Variants in CRTAC1 observed in about 807,000 individuals in gnomAD.
CRTAC1 encodes the protein cartilage acidic protein 1.
A neutral mutation model predicts 67.8 loss-of-function variants in CRTAC1; 37 were observed. That is an observed-to-expected ratio of 0.55 (90% CI 0.42 to 0.72). CRTAC1 has a LOEUF of 0.72. CRTAC1 is among the 30% of genes least tolerant of loss of function. CRTAC1 has a pLI of 0.00. For missense variants in CRTAC1, 780 were observed against 931.6 expected, an observed-to-expected ratio of 0.84 and a Z score of 2.12; for synonymous variants, 348 against 371.0, an observed-to-expected ratio of 0.94 and a Z score of 0.71.
intron 2 of CRTAC1, among the ~76,000 whole-genome samples, chr10:97,948,948 T>C (rs1187178587): frequency 6.6e-6 from 1 of 152,154 alleles, no homozygotes; most frequent in African/African-American, 2.4e-5. Context: ...GAGAACTCAC[T>C]CGCTATCATA....
chr10:97,997,978 C>CT (rs920153068), intron 2 of CRTAC1, among the ~76,000 whole-genome samples: 4 of 151,040 alleles, frequency 2.6e-5, no homozygotes, highest in Non-Finnish European at 5.9e-5. Flanking sequence ...GAAAGACTTG[C>CT]TTTTTTTTTG....
intron 4 of CRTAC1, 21 bp downstream of exon 4, chr10:97,923,243 C>G: frequency 6.2e-7 from 1 of 1,613,740 alleles, no homozygotes; most frequent in Non-Finnish European, 8.5e-7. Context: ...TCCCCAGGAC[C>G]CCATGTGCCC....
chr10:97,977,489 A>C, intron 2 of CRTAC1, among the ~76,000 whole-genome samples: 1 of 151,736 alleles, frequency 6.6e-6, no homozygotes, highest in East Asian at 1.9e-4. Context: ...CCTCTCTGGT[A>C]ACAGTGGCTA....
chr10:97,992,778 C>T (rs190590230), intron 2 of CRTAC1, among the ~76,000 whole-genome samples: 4 of 152,172 alleles, frequency 2.6e-5, no homozygotes, highest in Admixed American at 1.3e-4. Context: ...TGATAGTTAT[C>T]AGGGGCTAGG....
At chr10:97,935,941 C>T (rs1335514983) in intron 3 of CRTAC1, among the ~76,000 whole-genome samples, 1 of 152,086 alleles carries the variant, frequency 6.6e-6, no homozygotes, top group Non-Finnish European at 1.5e-5. Context: ...CTCTGCTCAC[C>T]CTGTCCATCT....
intron 2 of CRTAC1, among the ~76,000 whole-genome samples, chr10:97,963,504 A>T (rs756497498): frequency 1.3e-5 from 2 of 152,212 alleles, no homozygotes; most frequent in Non-Finnish European, 2.9e-5. Flanking sequence ...CTCCAGAGCC[A>T]ACCTTCTCAA....
chr10:97,983,293 G>C (rs1310564925), intron 2 of CRTAC1, among the ~76,000 whole-genome samples: 1 of 148,012 alleles, frequency 6.8e-6, no homozygotes, highest in Non-Finnish European at 1.5e-5. Context: ...CCTACACTGT[G>C]CTTACATTCA....
At chr10:97,882,965 G>A (rs1000929438) in intron 12 of CRTAC1, 137 bp from the exon 13 acceptor site, 3 of 848,600 alleles carry the variant, frequency 3.5e-6, no homozygotes, top group Non-Finnish European at 1.9e-6. Flanking sequence ...CCTGGGGGGA[G>A]CCCCCTCCCT....
rs1313728030 is a variant in CRTAC1, at chr10:98,029,524, GGCGGCA to G, written c.24+919_24+924del. On this transcript the variant is annotated intron_variant, in intron 1 of 14. Coordinates refer to ENST00000370597, the MANE Select transcript of CRTAC1 (RefSeq NM_018058.7). This position sits in a 1 kb window ranked among gnomAD's most constrained non-coding sequence, Gnocchi z 4.7. ...CGGCGGCGGCGGCGGCGGCGGCGGCGGCGGCAGCAGCAGCAATATTCATTAGTCATT... is the reference window on the plus strand; with the variant it reads ...CGGCGGCGGCGGCGGCGGCGGCGGCGGCAGCAGCAATATTCATTAGTCATT... 3.8e-5 allele frequency among the ~76,000 whole-genome samples: 5 copies of G among 130,710 alleles called. No homozygotes were observed. Among genetic ancestry groups the G allele is most frequent in the South Asian group, 2.1e-4 (1 of 4,682 alleles). 85.8% of individuals were successfully genotyped at this position (130,710 alleles called of 152,430 possible).
At chr10:97,922,009 A>G (rs1209076023) in intron 4 of CRTAC1, among the ~76,000 whole-genome samples, 2 of 151,246 alleles carry the variant, frequency 1.3e-5, no homozygotes, top group Admixed American at 6.6e-5. Flanking sequence ...ATTAACCTGC[A>G]TGCCTCTCCC....
intron 2 of CRTAC1, among the ~76,000 whole-genome samples, chr10:97,962,670 G>A (rs2051545269): frequency 6.6e-6 from 1 of 152,142 alleles, no homozygotes; most frequent in Non-Finnish European, 1.5e-5. Flanking sequence ...GAATTCAGGG[G>A]CCGCTACTGA....
intron 6 of CRTAC1, among the ~76,000 whole-genome samples, chr10:97,907,446 C>T (rs751887379): frequency 2.0e-5 from 3 of 151,844 alleles, no homozygotes; most frequent in African/African-American, 4.8e-5. Context: ...AGGAGGAGCA[C>T]AGCTGGGGGC....
intron 7 of CRTAC1, among the ~76,000 whole-genome samples, chr10:97,901,880 G>A (rs916286762): frequency 3.3e-5 from 5 of 152,206 alleles, no homozygotes; most frequent in Non-Finnish European, 7.3e-5. Flanking sequence ...GTGCTTAGCC[G>A]ATCCCTAGTC....
At chr10:97,970,114 G>A (rs1047673073) in intron 2 of CRTAC1, among the ~76,000 whole-genome samples, 3 of 151,928 alleles carry the variant, frequency 2.0e-5, no homozygotes, top group African/African-American at 4.8e-5. Context: ...CAAAAGCTCC[G>A]AGTCTAACTG....
chr10:97,910,778 G>T (rs1389246817), intron 5 of CRTAC1, among the ~76,000 whole-genome samples: 5 of 152,184 alleles, frequency 3.3e-5, no homozygotes, highest in African/African-American at 1.2e-4. Flanking sequence ...GGCATTTGAG[G>T]CCAGGGAGAT....
chr10:97,969,971 T>C (rs2051681518), intron 2 of CRTAC1, among the ~76,000 whole-genome samples: 2 of 152,286 alleles, frequency 1.3e-5, no homozygotes, highest in African/African-American at 4.8e-5. Flanking sequence ...TCCAACTGCC[T>C]ACTCAACATT....
chr10:98,004,818 A>AAT (rs1161900032), intron 2 of CRTAC1, among the ~76,000 whole-genome samples: 4 of 151,794 alleles, frequency 2.6e-5, no homozygotes, highest in South Asian at 2.1e-4. Flanking sequence ...TATATTTTAT[A>AAT]ATATATATAC....
intron 2 of CRTAC1, among the ~76,000 whole-genome samples, chr10:97,954,986 C>T (rs1325132847): frequency 6.6e-6 from 1 of 152,132 alleles, no homozygotes; most frequent in Non-Finnish European, 1.5e-5. Context: ...TTTGGGGGAC[C>T]ACCATTCAAC....
chr10:97,939,194 T>C (rs777959342), intron 2 of CRTAC1, among the ~76,000 whole-genome samples: 27 of 152,172 alleles, frequency 1.8e-4, no homozygotes, highest in South Asian at 4.1e-4. Context: ...TCCTCACATA[T>C]TGGAGTCCAG....
Sources: gnomAD v4.1 joint callset for allele counts (sites outside exome capture counted in the v4.1 genomes callset) on GRCh38, gnomAD v4.1.1 for gene constraint, Gnocchi (gnomAD v3.1) non-coding constraint, MANE v1.5 for transcripts, NCBI Gene and HGNC (gene_info 2026-07-23, HGNC 2026-07-21) for gene names.